LHFPL3: variants seen among roughly 807,000 people sequenced by gnomAD.
LHFPL3 encodes the protein LHFPL tetraspan subfamily member 3, also known as LHFPL tetraspan subfamily member 3 protein.
In LHFPL3, 5 loss-of-function variants were observed where a neutral mutation model predicts 19.3. That is an observed-to-expected ratio of 0.26 (90% CI 0.14 to 0.54). LHFPL3 has a LOEUF of 0.54. Among genes scored for constraint, LHFPL3 ranks in the 20% least tolerant of loss-of-function variants. The pLI, the probability that LHFPL3 is intolerant of heterozygous loss-of-function variation, is 0.94. For missense variants in LHFPL3, 249 were observed against 307.4 expected, an observed-to-expected ratio of 0.81 and a Z score of 1.42; for synonymous variants, 133 against 126.2, an observed-to-expected ratio of 1.05 and a Z score of -0.36.
rs1790207613 is a variant in LHFPL3, at chr7:104,352,983, T to TG, written c.445+23763dup. On this transcript the variant is annotated intron_variant, in intron 1 of 2. Transcript: ENST00000424859. ...GCATTGGGTTGGTGCCTGATTTCAG[T>TG]GGGGAGCCTGTAAGGGCTACCCGGA... is the stretch of plus-strand genomic sequence containing the variant. 2.0e-5 allele frequency among the ~76,000 whole-genome samples: 3 copies of TG among 152,292 alleles called. No homozygotes were observed. In the South Asian group the frequency reaches 6.2e-4, roughly 32 times the overall value.
At chr7:104,506,963 G>A (rs1793710722) in intron 1 of LHFPL3, among the ~76,000 whole-genome samples, 1 of 152,162 alleles carries the variant, frequency 6.6e-6, no homozygotes, top group Non-Finnish European at 1.5e-5. Flanking sequence ...GTATTCTATT[G>A]GAGACCACAG....
intron 2 of LHFPL3, among the ~76,000 whole-genome samples, chr7:104,888,699 C>A (rs1019236718): frequency 6.6e-6 from 1 of 152,198 alleles, no homozygotes; most frequent in Non-Finnish European, 1.5e-5. Flanking sequence ...TAAGTAGATA[C>A]GTTATACCTC....
At chr7:104,603,774 T>C (rs1267034097) in intron 1 of LHFPL3, among the ~76,000 whole-genome samples, 1 of 152,160 alleles carries the variant, frequency 6.6e-6, no homozygotes, top group Non-Finnish European at 1.5e-5. Flanking sequence ...AAAAACAACA[T>C]TGAGTCTTAA....
intron 1 of LHFPL3, among the ~76,000 whole-genome samples, chr7:104,522,149 A>C (rs1264350469): frequency 2.6e-5 from 4 of 152,234 alleles, no homozygotes; most frequent in South Asian, 2.1e-4. Flanking sequence ...AATGTCCAAC[A>C]ATGATAGACT....
rs182121811 is a variant in LHFPL3 at position 104,510,341 on chromosome 7, G to A, written c.445+181117G>A. Among the ~76,000 whole-genome samples the A allele has an allele frequency of 9.9e-5, 15 of 152,230 alleles. 1 individual carries two copies. Among genetic ancestry groups the A allele is most frequent in the South Asian group, 4.1e-4 (2 of 4,830 alleles). On this transcript the variant is annotated intron_variant, in intron 1 of 2. Transcript: ENST00000424859. ...ATTCAATCTCAAGAATTATTTTCTA[G>A]CTAAAGTAATCAAGACTGTGGTATT...
chr7:104,704,746 C>T (rs953566425), intron 1 of LHFPL3, among the ~76,000 whole-genome samples: 1 of 152,098 alleles, frequency 6.6e-6, no homozygotes, highest in Non-Finnish European at 1.5e-5. Flanking sequence ...AGCAATCCTC[C>T]TGCCTCAGCC....
At chr7:104,554,669 A>G (rs1235831638) in intron 1 of LHFPL3, among the ~76,000 whole-genome samples, 1 of 150,796 alleles carries the variant, frequency 6.6e-6, no homozygotes, top group Non-Finnish European at 1.5e-5. Flanking sequence ...ATAGATAGAT[A>G]GATAGATAGA....
At position 104,867,325 on chromosome 7, in the gene LHFPL3, C is replaced by G. The variant is rs576377593; in HGVS notation, c.683-38862C>G. 2.0e-5 allele frequency among the ~76,000 whole-genome samples: 3 copies of G among 152,016 alleles called. 1 individual carries two copies. Among genetic ancestry groups the G allele is most frequent in the African/African-American group, 7.2e-5 (3 of 41,454 alleles). On this transcript the variant is annotated intron_variant, in intron 2 of 2. Coordinates refer to ENST00000424859, the MANE Select transcript of LHFPL3 (RefSeq NM_199000.3). ...GAAAAGATCAACAAAATTGACAGAC[C>G]GCTGGCAAGACTAATAAAGAAGAAA...
intron 1 of LHFPL3, among the ~76,000 whole-genome samples, chr7:104,372,457 G>T (rs140346195): frequency 1.3e-5 from 2 of 152,102 alleles, no homozygotes; most frequent in Non-Finnish European, 2.9e-5. Flanking sequence ...TTTAGGATAC[G>T]CTGGTTGTGA....
chr7:104,890,459 G>T (rs1792223557), intron 2 of LHFPL3, among the ~76,000 whole-genome samples: 1 of 152,202 alleles, frequency 6.6e-6, no homozygotes, highest in African/African-American at 2.4e-5. Flanking sequence ...TTGCTGCCTT[G>T]AGCAGTAGAC....
chr7:104,533,978 A>T (rs1329005782), intron 1 of LHFPL3, among the ~76,000 whole-genome samples: 1 of 152,086 alleles, frequency 6.6e-6, no homozygotes, highest in Non-Finnish European at 1.5e-5. Context: ...TTGAGTCCTC[A>T]CTTTCCTTCA....
intron 2 of LHFPL3, among the ~76,000 whole-genome samples, chr7:104,883,849 A>AG (rs1792098096): frequency 6.6e-6 from 1 of 152,146 alleles, no homozygotes; most frequent in Non-Finnish European, 1.5e-5. Flanking sequence ...AGCAGCCACC[A>AG]GGGGGCACCA....
intron 1 of LHFPL3, among the ~76,000 whole-genome samples, chr7:104,527,905 A>C (rs1293284826): frequency 6.6e-6 from 1 of 152,224 alleles, no homozygotes. Flanking sequence ...CAAGGGCAGA[A>C]ACTATACTTT....
At chr7:104,721,042 A>G (rs1793480554) in intron 1 of LHFPL3, among the ~76,000 whole-genome samples, 1 of 152,220 alleles carries the variant, frequency 6.6e-6, no homozygotes, top group Non-Finnish European at 1.5e-5. Flanking sequence ...TACTGGTTAT[A>G]TACCCAAAGG....
At chr7:104,343,416 G>A (rs187733635) in intron 1 of LHFPL3, among the ~76,000 whole-genome samples, 43 of 150,252 alleles carry the variant, frequency 2.9e-4, no homozygotes, top group African/African-American at 1.0e-3. Flanking sequence ...TGGTGGCTGA[G>A]GCAGGAGAAT....
intron 1 of LHFPL3, among the ~76,000 whole-genome samples, chr7:104,490,331 A>G (rs959523515): frequency 6.6e-6 from 1 of 152,166 alleles, no homozygotes; most frequent in African/African-American, 2.4e-5. Context: ...TGACTTTTGC[A>G]TGGAAGCAGC....
At chr7:104,723,912 G>A (rs755776309) in intron 1 of LHFPL3, among the ~76,000 whole-genome samples, 2 of 152,076 alleles carry the variant, frequency 1.3e-5, no homozygotes, top group Non-Finnish European at 2.9e-5. Context: ...CTCCTGGTCA[G>A]GAAATAGCAT....
At position 104,599,350 on chromosome 7, in the gene LHFPL3, T is replaced by A. The variant is rs866422781; in HGVS notation, c.446-137325T>A. Among the ~76,000 whole-genome samples, 27 of 152,348 alleles carry A rather than the reference T, an allele frequency of 1.8e-4. No homozygotes were observed. In the South Asian group the frequency reaches 1.9e-3, roughly 11 times the overall value. ...CTTTTCATTTTCATTGGTTTTCAAG[T>A]TCCATTTTGGAAATAACATTTTCTT... On this transcript the variant is annotated intron_variant, in intron 1 of 2. Transcript: ENST00000424859.
intron 1 of LHFPL3, among the ~76,000 whole-genome samples, chr7:104,709,858 G>T (rs1374137912): frequency 1.6e-5 from 2 of 127,308 alleles, no homozygotes; most frequent in Non-Finnish European, 3.7e-5. Context: ...CGGGCAGAGG[G>T]GCTCCTCACA....
Sources: gnomAD v4.1 joint callset for allele counts (sites outside exome capture counted in the v4.1 genomes callset) on GRCh38, gnomAD v4.1.1 for gene constraint, MANE v1.5 for transcripts, NCBI Gene and HGNC (gene_info 2026-07-23, HGNC 2026-07-21) for gene names.